The following FMN1 variants were observed in gnomAD, a reference collection of about 807,000 sequenced individuals.
FMN1 encodes formin 1.
Under a neutral mutation model 132.4 loss-of-function variants are expected in FMN1, and 110 were observed. The observed-to-expected ratio is 0.83, with a 90% CI of 0.71 to 0.97. The LOEUF (loss-of-function observed/expected upper bound fraction) is 0.97. Among genes scored for constraint, FMN1 ranks in the 50% least tolerant of loss-of-function variants. FMN1 has a pLI of 0.00. For synonymous variants in FMN1, 722 were observed against 651.7 expected (o/e 1.11, Z -1.64); for missense variants, 1,792 against 1,705.3 (o/e 1.05, Z -0.90).
chr15:33,079,677 G>A (rs1208102781), intron 5 of FMN1, among the ~76,000 whole-genome samples: 1 of 152,232 alleles, frequency 6.6e-6, no homozygotes, highest in Non-Finnish European at 1.5e-5. Context: ...AATTTGTAGA[G>A]AAGTGTGAGA....
At chr15:33,115,152 C>T (rs981943186) in intron 4 of FMN1, among the ~76,000 whole-genome samples, 5 of 152,136 alleles carry the variant, frequency 3.3e-5, no homozygotes, top group Non-Finnish European at 7.4e-5. Context: ...TCCAGTCTCC[C>T]ATGGGGAAAA....
intron 4 of FMN1, among the ~76,000 whole-genome samples, chr15:33,091,814 A>C (rs1439764271): frequency 6.6e-6 from 1 of 152,244 alleles, no homozygotes; most frequent in Non-Finnish European, 1.5e-5. Context: ...AAAAAGAGAA[A>C]AAAATCATCT....
intron 7 of FMN1, among the ~76,000 whole-genome samples, chr15:32,977,306 T>C (rs1453260179): frequency 6.6e-6 from 1 of 152,210 alleles, no homozygotes; most frequent in African/African-American, 2.4e-5. Context: ...CAATGATTAA[T>C]AATCCTTCCC....
chr15:33,099,553 G>A (rs1171657976), intron 4 of FMN1, among the ~76,000 whole-genome samples: 1 of 152,154 alleles, frequency 6.6e-6, no homozygotes, highest in African/African-American at 2.4e-5. Context: ...AAAGAGAATA[G>A]GAAAATTGTC....
intron 17 of FMN1, among the ~76,000 whole-genome samples, chr15:32,816,785 A>G (rs552389094): frequency 6.6e-6 from 1 of 152,340 alleles, no homozygotes; most frequent in South Asian, 2.1e-4. Flanking sequence ...GTTAAATTTC[A>G]TTGGGCAGTC....
intron 2 of FMN1, among the ~76,000 whole-genome samples, chr15:33,181,314 A>G (rs1965691754): frequency 6.6e-6 from 1 of 152,136 alleles, no homozygotes; most frequent in Non-Finnish European, 1.5e-5. Flanking sequence ...CTGTTTTCAT[A>G]TAGTAGCTCC....
intron 9 of FMN1, among the ~76,000 whole-genome samples, chr15:32,943,544 T>C (rs2061442179): frequency 6.6e-6 from 1 of 152,172 alleles, no homozygotes. Flanking sequence ...AAAGGTACCT[T>C]CATAATGACT....
At chr15:33,134,318 G>A (rs1963670892) in intron 4 of FMN1, among the ~76,000 whole-genome samples, 1 of 152,196 alleles carries the variant, frequency 6.6e-6, no homozygotes, top group Non-Finnish European at 1.5e-5. Flanking sequence ...ACTGTGGCAA[G>A]GATGCCACTG....
chr15:33,158,059 C>A (rs1964746490), intron 3 of FMN1, among the ~76,000 whole-genome samples: 1 of 151,760 alleles, frequency 6.6e-6, no homozygotes, highest in African/African-American at 2.4e-5. Context: ...TTCAACATGT[C>A]TGATCAGGTA....
intron 5 of FMN1, among the ~76,000 whole-genome samples, chr15:33,088,148 C>T (rs937764139): frequency 3.3e-5 from 5 of 152,002 alleles, no homozygotes; most frequent in Admixed American, 6.6e-5. Flanking sequence ...TCTCAGTAAT[C>T]CCCACTAAAG....
rs2140370568 is a variant in FMN1 at position 33,194,645 on chromosome 15, T to A, written c.-416A>T. On this transcript the variant is annotated 5_prime_UTR_variant, in exon 1 of 21. Transcript: ENST00000616417. ...GGGAGGCTGAGGCAGGAGGATTGCT[T>A]ACGGCAACAGCCGTGGCGGCTGCAG... is the stretch of plus-strand genomic sequence containing the variant. The A allele has an allele frequency of 6.6e-6, 1 of 152,402 alleles. No individual in the cohort carries two copies. Among genetic ancestry groups the A allele is most frequent in the Admixed American group, 6.5e-5 (1 of 15,284 alleles). 9.4% of individuals were successfully genotyped at this position (152,402 alleles called of 1,614,324 possible).
At chr15:32,970,318 G>A (rs760773650) in intron 7 of FMN1, among the ~76,000 whole-genome samples, 8 of 152,152 alleles carry the variant, frequency 5.3e-5, no homozygotes, top group Non-Finnish European at 1.0e-4. Context: ...AGCAAATTTA[G>A]AATTTTATTA....
At chr15:33,004,487 G>T (rs1429231568) in intron 7 of FMN1, among the ~76,000 whole-genome samples, 1 of 152,214 alleles carries the variant, frequency 6.6e-6, no homozygotes, top group African/African-American at 2.4e-5. Flanking sequence ...GAACCACAAT[G>T]AGATACTATC....
intron 17 of FMN1, among the ~76,000 whole-genome samples, chr15:32,832,918 G>A (rs763482405): frequency 1.3e-5 from 2 of 152,074 alleles, no homozygotes; most frequent in Non-Finnish European, 2.9e-5. Flanking sequence ...TTTGTGAGAG[G>A]TAGGAAGTAG....
intron 6 of FMN1, among the ~76,000 whole-genome samples, chr15:33,026,269 T>G (rs911319798): frequency 1.1e-4 from 16 of 152,080 alleles, no homozygotes; most frequent in Non-Finnish European, 1.9e-4. Flanking sequence ...GCCTCAACAC[T>G]GGTTTTAAAA....
At chr15:32,958,747 A>G (rs1174583683) in intron 9 of FMN1, among the ~76,000 whole-genome samples, 3 of 152,202 alleles carry the variant, frequency 2.0e-5, no homozygotes, top group Non-Finnish European at 4.4e-5. Flanking sequence ...AGCTCTATTT[A>G]AGGGATATTC....
Position 32,869,401 on chromosome 15 carries a change from A to G in FMN1, c.3836-12294T>C, listed in dbSNP as rs565402421. On this transcript the variant is annotated intron_variant, in intron 16 of 20. Coordinates refer to ENST00000616417, the MANE Select transcript of FMN1 (RefSeq NM_001277313.2). The stretch of plus-strand genomic sequence containing the variant: ...GTAGTTAGGAAAAGTCTCACTGTGA[A>G]GCTATTTGACTAGAGATTTAATCAG... Among the ~76,000 whole-genome samples the G allele has an allele frequency of 1.1e-4, 17 of 152,312 alleles. No homozygotes were observed. The Middle Eastern group carries it at 0.014, about 122-fold the overall frequency.
At chr15:33,046,561 T>TG (rs2036693420) in intron 6 of FMN1, among the ~76,000 whole-genome samples, 1 of 152,192 alleles carries the variant, frequency 6.6e-6, no homozygotes, top group Admixed American at 6.5e-5. Flanking sequence ...TGCAACCCCT[T>TG]GGTCAGCAAC....
chr15:33,104,824 G>T (rs345779), intron 4 of FMN1, among the ~76,000 whole-genome samples: 101,736 of 152,068 alleles, frequency 0.67, 34,388 homozygotes, highest in East Asian at 0.78. Flanking sequence ...GACACTACTT[G>T]CTTTGCAGAA....
Sources: allele counts gnomAD v4.1 joint callset (sites outside exome capture counted in the v4.1 genomes callset), GRCh38; gene constraint gnomAD v4.1.1; transcripts MANE v1.5; gene names NCBI Gene and HGNC (gene_info 2026-07-23, HGNC 2026-07-21).